Variants in HMCN2 observed in about 807,000 individuals in gnomAD.
HMCN2 encodes the protein hemicentin-2.
HMCN2 carries 325 observed loss-of-function variants against 377.5 expected under a neutral mutation model. The observed-to-expected ratio is 0.86, with a 90% CI of 0.79 to 0.94. HMCN2 has a LOEUF of 0.94. HMCN2 is among the 40% of genes least tolerant of loss of function. The pLI, the probability that HMCN2 is intolerant of heterozygous loss-of-function variation, is 0.00. For missense variants in HMCN2, 4,543 were observed against 4,725.3 expected (o/e 0.96, Z 1.13); for synonymous variants, 2,007 against 2,046.8 (o/e 0.98, Z 0.53).
At chr9:130,426,931 C>T (rs774576807) in intron 90 of HMCN2, among the ~76,000 whole-genome samples, 42 of 152,174 alleles carry the variant, frequency 2.8e-4, no homozygotes, top group Non-Finnish European at 5.4e-4. Flanking sequence ...TCACCCCTCC[C>T]CTGCCTTTGC....
Position 130,351,700 on chromosome 9 carries a change from T to G in HMCN2, c.4585+123T>G. Reference sequence around the variant, plus strand: ...GGGGACCTGGTGAGTGATCCCTGAGTCCAAGAAAGCTGGGGGCTGGGGTCG... The same window carrying G: ...GGGGACCTGGTGAGTGATCCCTGAGGCCAAGAAAGCTGGGGGCTGGGGTCG... On this transcript the variant is annotated intron_variant, in intron 30 of 97. Transcript: ENST00000683500. This position sits in a 1 kb window ranked among gnomAD's most constrained non-coding sequence, Gnocchi z 5.4. The G allele has an allele frequency of 1.4e-6, 1 of 722,572 alleles. No homozygotes were observed. The highest frequency in any genetic ancestry group is 1.9e-6 in the Non-Finnish European group (1 of 519,670). 44.8% of individuals were successfully genotyped at this position (722,572 alleles called of 1,614,324 possible).
chr9:130,293,569 A>T (rs1315909706), intron 4 of HMCN2, among the ~76,000 whole-genome samples: 1 of 151,634 alleles, frequency 6.6e-6, no homozygotes, highest in African/African-American at 2.4e-5. Context: ...GCAAAGGAGG[A>T]GGTGTGAGCT....
In HMCN2 at chr9:130,348,588, G is replaced by A. The variant is rs765654841; in HGVS notation, c.4068G>A (p.Ser1356=). Residue 1356 remains serine (S), a synonymous_variant, in exon 27 of 98, where the codon TCG becomes TCA. Transcript: ENST00000683500. ...AGGACGGGCGCAAGGCCAACGTGTC[G>A]GGTATGGCCGGGCAGTCCCTGACGC... The part of the protein sequence containing the change: ...IREDGRKANV[S]GMAGQSLTLE... The A allele has an allele frequency of 2.2e-5, 29 of 1,304,168 alleles. No homozygotes were observed. The highest frequency in any genetic ancestry group is 1.4e-4 in the Admixed American group (6 of 43,554). The allele number at this position is 1,304,168 out of a possible 1,614,324, so 80.8% of individuals were successfully genotyped here. A position where few individuals can be genotyped will look rare whatever the true frequency, so the allele number is the denominator to read the frequency against.
At chr9:130,333,279 C>A (rs1424361555) in intron 22 of HMCN2, among the ~76,000 whole-genome samples, 1 of 152,146 alleles carries the variant, frequency 6.6e-6, no homozygotes, top group Admixed American at 6.5e-5. Flanking sequence ...TAATGGGAGG[C>A]AGGGTATTGC....
At chr9:130,283,477 T>A (rs1299628377) in intron 1 of HMCN2, among the ~76,000 whole-genome samples, 3 of 150,720 alleles carry the variant, frequency 2.0e-5, no homozygotes, top group African/African-American at 7.3e-5. Context: ...GGGGTAAATT[T>A]ACATACATTG....
At chr9:130,301,723 G>T (rs1049321499) in intron 8 of HMCN2, among the ~76,000 whole-genome samples, 3 of 152,258 alleles carry the variant, frequency 2.0e-5, no homozygotes, top group African/African-American at 4.8e-5. Flanking sequence ...CTCCGAGGAG[G>T]TCTAGTGCAT....
intron 1 of HMCN2, among the ~76,000 whole-genome samples, chr9:130,273,308 T>C (rs185391681): frequency 6.6e-6 from 1 of 152,326 alleles, no homozygotes. Context: ...TAAAGTTTTT[T>C]TTAACTACTT....
intron 51 of HMCN2, 82 bp downstream of exon 51, chr9:130,376,071 T>G: frequency 6.5e-6 from 3 of 461,524 alleles, no homozygotes; most frequent in Non-Finnish European, 8.5e-6. Context: ...GAGCCACCCT[T>G]GGTGCTCCAG....
chr9:130,294,937 C>T lies in HMCN2; in HGVS notation c.695C>T (p.Thr232Ile). The change falls in exon 5 of 98, where the codon ACA (threonine) becomes ATA (isoleucine). Residue 232 changes from threonine to isoleucine, a missense_variant. By Grantham distance (89) the Thr-to-Ile change is moderately conservative. Transcript: ENST00000683500. ...GACCACGAGGAGGAGGGGGAGCACA[C>T]ATGGAGACTCCCCTTTGACCCCAGC... Reference protein sequence around the residue: ...STDHEEEGEHTWRLPFDPSLK... With the variant: ...STDHEEEGEHIWRLPFDPSLK... The T allele has an allele frequency of 6.4e-6, 3 of 470,924 alleles. No individual in the cohort carries two copies. Among genetic ancestry groups the T allele is most frequent in the Non-Finnish European group, 1.3e-5 (3 of 226,932 alleles). 29.2% of individuals were successfully genotyped at this position (470,924 alleles called of 1,614,324 possible).
intron 82 of HMCN2, chr9:130,406,735 C>G (rs1265736485): frequency 6.3e-6 from 1 of 157,684 alleles, no homozygotes; most frequent in African/African-American, 2.4e-5. Flanking sequence ...TCCACCACTT[C>G]CTGGGGAGGG....
In HMCN2 at chr9:130,368,397, G is replaced by T. The variant is rs1164985454; in HGVS notation, c.6747G>T (p.Val2249=). The stretch of plus-strand genomic sequence containing the variant: ...CATACACCTGTGAATGCAGCAACGT[G>T]GTGGGGAACAGCAGCCAGGACCTGC... ...EGTYTCECSN[V]VGNSSQDLQL... Residue 2249 remains valine, a synonymous_variant, in exon 44 of 98, where the codon GTG becomes GTT. Coordinates refer to ENST00000683500, the MANE Select transcript of HMCN2 (RefSeq NM_001291815.2). 3 of 986,062 alleles carry T rather than the reference G, an allele frequency of 3.0e-6. No homozygotes were observed. The African/African-American group carries it at 5.2e-5, about 17-fold the overall frequency. The allele number at this position is 986,062 out of a possible 1,614,324, so 61.1% of individuals were successfully genotyped here.
At position 130,399,519 on chromosome 9, in the gene HMCN2, C is replaced by T. The variant is rs762164154; in HGVS notation, c.11492C>T (p.Pro3831Leu). The stretch of plus-strand genomic sequence containing the variant: ...CTGTCTGTCCACCCCAGGCTCCTGC[C>T]CTCCAACGCCCTGCTCCTCACGGCC... Reference protein sequence around the residue: ...RLQQGAYRLLPSNALLLTAPG... With the variant: ...RLQQGAYRLLLSNALLLTAPG... Residue 3831 changes from proline to leucine, a missense_variant, in exon 76 of 98, where the codon CCC becomes CTC. Physicochemically the swap from Pro to Leu is moderately conservative, Grantham distance 98. Coordinates refer to ENST00000683500, the MANE Select transcript of HMCN2 (RefSeq NM_001291815.2). 7.0e-6 allele frequency: 9 copies of T among 1,285,916 alleles called. No individual in the cohort carries two copies. In the African/African-American group the frequency reaches 9.1e-5, roughly 13 times the overall value. 79.7% of individuals were successfully genotyped at this position (1,285,916 alleles called of 1,614,324 possible).
chr9:130,402,412 T>C (rs1182119618), intron 77 of HMCN2, among the ~76,000 whole-genome samples: 1 of 151,806 alleles, frequency 6.6e-6, no homozygotes, highest in Non-Finnish European at 1.5e-5. Flanking sequence ...CTAGAGGAGG[T>C]GAGTTTTTAG....
intron 93 of HMCN2, 31 bp from the exon 94 acceptor site, chr9:130,429,526 C>A (rs1255176071): frequency 3.2e-6 from 5 of 1,549,862 alleles, no homozygotes; most frequent in Non-Finnish European, 4.4e-6. Context: ...GGCTAGACCT[C>A]CCCACCACCG....
At position 130,399,553 on chromosome 9, in the gene HMCN2, C is replaced by A; in HGVS notation, c.11526C>A (p.Pro3842=). 1 of 1,289,706 alleles carries A rather than the reference C, an allele frequency of 7.8e-7. No individual in the cohort carries two copies. Among genetic ancestry groups the A allele is most frequent in the Non-Finnish European group, 1.0e-6 (1 of 988,754 alleles). The allele number at this position is 1,289,706 out of a possible 1,614,324, so 79.9% of individuals were successfully genotyped here. A position where few individuals can be genotyped will look rare whatever the true frequency, so the allele number is the denominator to read the frequency against. ...SNALLLTAPG[P]QDSAQFECVV... ...CCCTGCTCCTCACGGCCCCCGGCCCCCAGGACTCAGCCCAGTTTGAATGCG... is the reference window on the plus strand; with the variant it reads ...CCCTGCTCCTCACGGCCCCCGGCCCACAGGACTCAGCCCAGTTTGAATGCG... Residue 3842 remains proline (P), a synonymous_variant, in exon 76 of 98, where the codon CCC becomes CCA. Coordinates refer to ENST00000683500, the MANE Select transcript of HMCN2 (RefSeq NM_001291815.2).
chr9:130,369,964 T>G lies in HMCN2; in HGVS notation c.7069+113T>G. 3.4e-6 allele frequency: 2 copies of G among 587,938 alleles called. No individual in the cohort carries two copies. The highest frequency in any genetic ancestry group is 4.3e-6 in the Non-Finnish European group (2 of 466,492). 36.4% of individuals were successfully genotyped at this position (587,938 alleles called of 1,614,324 possible). On this transcript the variant is annotated intron_variant, in intron 45 of 97. Transcript: ENST00000683500. This position sits in a 1 kb window ranked among gnomAD's most constrained non-coding sequence, Gnocchi z 4.5. ...TGTGATCCTGGGGTCACACCTGTTC[T>G]TTCTGGAGTCAGGGCTCTAATGAGA...
chr9:130,301,392 G>A (rs10988687), intron 8 of HMCN2, among the ~76,000 whole-genome samples: 3,722 of 152,340 alleles, frequency 0.024, 54 homozygotes, highest in Non-Finnish European at 0.032. Flanking sequence ...CTCAGCTCTA[G>A]ATTAAAGTTG....
chr9:130,301,550 A>C (rs117516079), intron 8 of HMCN2, among the ~76,000 whole-genome samples: 3,725 of 152,272 alleles, frequency 0.024, 54 homozygotes, highest in Non-Finnish European at 0.032. Context: ...GGGGAGCCCA[A>C]ACTGGCTTGG....
In HMCN2 at chr9:130,310,021, G is replaced by A. The variant is rs782220550; in HGVS notation, c.2310G>A (p.Glu770=). ...CCTACACCTGCCGGGCTGTCAATGA[G>A]TTGGGTGACGCCTCTGCAGAAATCC... is the stretch of plus-strand genomic sequence containing the variant. ...AGTYTCRAVN[E]LGDASAEIQL... The change falls in exon 15 of 98, where the codon GAG becomes GAA. Residue 770 remains glutamate (E), a synonymous_variant. Transcript: ENST00000683500. The A allele has an allele frequency of 1.5e-5, 8 of 534,150 alleles. No individual in the cohort carries two copies. The highest frequency in any genetic ancestry group is 3.1e-5 in the Non-Finnish European group (8 of 259,780). 33.1% of individuals were successfully genotyped at this position (534,150 alleles called of 1,614,324 possible).
Sources: allele counts gnomAD v4.1 joint callset (sites outside exome capture counted in the v4.1 genomes callset), GRCh38; gene constraint gnomAD v4.1.1; non-coding constraint Gnocchi (gnomAD v3.1); transcripts MANE v1.5; gene names NCBI Gene and HGNC (gene_info 2026-07-23, HGNC 2026-07-21).